The following CORIN variants were observed in gnomAD, a reference collection of about 807,000 sequenced individuals.
CORIN encodes corin, serine peptidase, also known as atrial natriuretic peptide-converting enzyme.
CORIN carries 117 observed loss-of-function variants against 125.3 expected under a neutral mutation model. That is an observed-to-expected ratio of 0.93 (90% CI 0.80 to 1.09). CORIN has a LOEUF of 1.09. Among genes scored for constraint, CORIN ranks in the 50% least tolerant of loss-of-function variants. The pLI, the probability that CORIN is intolerant of heterozygous loss-of-function variation, is 0.00. For missense variants in CORIN, 1,253 were observed against 1,306.7 expected (o/e 0.96, Z 0.63); for synonymous variants, 450 against 466.4 (o/e 0.96, Z 0.45).
intron 19 of CORIN, among the ~76,000 whole-genome samples, chr4:47,615,264 T>C (rs1400098342): frequency 1.3e-5 from 2 of 152,196 alleles, no homozygotes; most frequent in African/African-American, 4.8e-5. Context: ...ATTCTTGTTA[T>C]AATGGGAAGC....
Position 47,595,777 on chromosome 4 carries a change from A to G in CORIN, c.3073T>C (p.Tyr1025His). 1 of 1,613,432 alleles carries G rather than the reference A, an allele frequency of 6.2e-7. No individual in the cohort carries two copies. Among genetic ancestry groups the G allele is most frequent in the Non-Finnish European group, 8.5e-7 (1 of 1,179,710 alleles). ...LGPGVYSNVS[Y>H]FVEWIKRQIY... ...TGTCTTTTAATCCATTCGACGAAAT[A>G]TGACACATTACTATAAACGCCAGGC... is the stretch of plus-strand genomic sequence containing the variant. Residue 1025 changes from tyrosine to histidine, a missense_variant, in exon 22 of 22, where the codon TAT becomes CAT. Coordinates refer to ENST00000273857, the MANE Select transcript of CORIN (RefSeq NM_006587.4).
At chr4:47,763,928 T>C (rs1220922922) in intron 3 of CORIN, among the ~76,000 whole-genome samples, 1 of 152,092 alleles carries the variant, frequency 6.6e-6, no homozygotes, top group Non-Finnish European at 1.5e-5. Context: ...ACCATGCATA[T>C]TCTTTGACAT....
intron 3 of CORIN, among the ~76,000 whole-genome samples, chr4:47,773,865 T>C (rs1490353042): frequency 6.6e-6 from 1 of 151,610 alleles, no homozygotes; most frequent in Non-Finnish European, 1.5e-5. Context: ...ATAAAAGGTA[T>C]ATTTATCTTT....
At chr4:47,837,383 G>A (rs1412777236) in intron 1 of CORIN, 1 of 180,004 alleles carries the variant, frequency 5.6e-6, no homozygotes, top group East Asian at 1.9e-4. Flanking sequence ...GTCTGGGGCA[G>A]GCAAGACTGC....
chr4:47,758,829 C>T (rs559765574), intron 4 of CORIN, among the ~76,000 whole-genome samples: 1 of 152,364 alleles, frequency 6.6e-6, no homozygotes, highest in African/African-American at 2.4e-5. Flanking sequence ...GATGTGTTTG[C>T]TTCCCTTTCC....
intron 2 of CORIN, among the ~76,000 whole-genome samples, chr4:47,806,444 A>G (rs1731799532): frequency 6.6e-6 from 1 of 152,192 alleles, no homozygotes; most frequent in African/African-American, 2.4e-5. Context: ...CTCCTGAACT[A>G]CTGTCTTCTA....
intron 4 of CORIN, among the ~76,000 whole-genome samples, chr4:47,757,878 G>GTATATATATATGTATATA: frequency 1.6e-5 from 2 of 123,914 alleles, no homozygotes; most frequent in East Asian, 4.6e-4. Context: ...ATATATATAT[G>GTATATATATATGTATATA]TATATATATA....
At chr4:47,651,756 G>A (rs1723738426) in intron 13 of CORIN, among the ~76,000 whole-genome samples, 1 of 152,136 alleles carries the variant, frequency 6.6e-6, no homozygotes, top group Non-Finnish European at 1.5e-5. Flanking sequence ...TTAATTGTGT[G>A]ATTAAAATAC....
intron 12 of CORIN, among the ~76,000 whole-genome samples, chr4:47,657,880 A>G (rs1724067957): frequency 6.6e-6 from 1 of 152,140 alleles, no homozygotes; most frequent in South Asian, 2.1e-4. Flanking sequence ...ACATCTCAAC[A>G]TGAGATTTGG....
At chr4:47,760,917 A>C (rs968009272) in intron 4 of CORIN, among the ~76,000 whole-genome samples, 1 of 152,158 alleles carries the variant, frequency 6.6e-6, no homozygotes, top group East Asian at 1.9e-4. Context: ...TCTTTCCTTA[A>C]ATCTCATGAA....
chr4:47,765,796 A>C (rs993630636), intron 3 of CORIN, among the ~76,000 whole-genome samples: 14 of 152,130 alleles, frequency 9.2e-5, no homozygotes, highest in African/African-American at 3.4e-4. Flanking sequence ...ATATTTAAGG[A>C]CCATTTGCAT....
Position 47,693,100 on chromosome 4 carries a change from G to C in CORIN, c.800-17C>G, listed in dbSNP as rs142631560. On this transcript the variant is annotated splice_polypyrimidine_tract_variant and intron_variant, in intron 5 of 21. Coordinates refer to ENST00000273857, the MANE Select transcript of CORIN (RefSeq NM_006587.4). ...CACAGAGCACTAAAAAAAAAGGGCA[G>C]GAAATAATGTCAGAATAAGATGGGT... The C allele has an allele frequency of 1.0e-3, 1,517 of 1,494,000 alleles. 2 individuals carry two copies. The highest frequency in any genetic ancestry group is 1.3e-3 in the Non-Finnish European group (1,424 of 1,072,022). 92.5% of individuals were successfully genotyped at this position (1,494,000 alleles called of 1,614,324 possible). A position where few individuals can be genotyped will look rare whatever the true frequency, so the allele number is the denominator to read the frequency against.
At chr4:47,747,848 T>C (rs577694494) in intron 4 of CORIN, among the ~76,000 whole-genome samples, 18 of 152,356 alleles carry the variant, frequency 1.2e-4, no homozygotes, top group Admixed American at 5.9e-4. Flanking sequence ...ATAGTCCTTT[T>C]ACTACTAACA....
chr4:47,600,194 G>T lies in CORIN; in HGVS notation c.2946+20C>A. 1 of 1,596,404 alleles carries T rather than the reference G, an allele frequency of 6.3e-7. No homozygotes were observed. Among genetic ancestry groups the T allele is most frequent in the Non-Finnish European group, 8.6e-7 (1 of 1,169,198 alleles). On this transcript the variant is annotated intron_variant, in intron 21 of 21. Coordinates refer to ENST00000273857, the MANE Select transcript of CORIN (RefSeq NM_006587.4). The stretch of plus-strand genomic sequence containing the variant: ...GTTATTGTTGAACTGAATCTCCTTG[G>T]TAACCAGAAAGCAACTTACCATGCA...
At chr4:47,783,761 C>CG (rs1471183519) in intron 3 of CORIN, among the ~76,000 whole-genome samples, 1 of 151,984 alleles carries the variant, frequency 6.6e-6, no homozygotes, top group Non-Finnish European at 1.5e-5. Context: ...GAAGTGTGAT[C>CG]AGGCACTTCT....
intron 10 of CORIN, among the ~76,000 whole-genome samples, chr4:47,669,348 CTGCGTATATAA>C (rs1724632949): frequency 6.6e-6 from 1 of 152,108 alleles, no homozygotes; most frequent in Admixed American, 6.6e-5. Context: ...CTACATCTAG[CTGCGTATATAA>C]TAATATTCAA....
At chr4:47,759,013 C>T (rs1032525879) in intron 4 of CORIN, among the ~76,000 whole-genome samples, 4 of 152,050 alleles carry the variant, frequency 2.6e-5, no homozygotes, top group Non-Finnish European at 4.4e-5. Flanking sequence ...GTCACATAGA[C>T]CAATGGAATG....
chr4:47,664,475 G>A lies in CORIN; in HGVS notation c.1589+557C>T, dbSNP rs377752281. 2.6e-4 allele frequency among the ~76,000 whole-genome samples: 39 copies of A among 152,228 alleles called. 1 individual carries two copies. In the East Asian group the frequency reaches 3.1e-3, roughly 12 times the overall value. ...AGGGTCAAGATTTTAACCCAAACAT[G>A]GACTCTGGAACAATACTCTTGACAC... On this transcript the variant is annotated intron_variant, in intron 11 of 21. Transcript: ENST00000273857.
chr4:47,602,144 G>A (rs1721472618), intron 20 of CORIN, among the ~76,000 whole-genome samples: 2 of 152,010 alleles, frequency 1.3e-5, no homozygotes, highest in African/African-American at 4.8e-5. Flanking sequence ...CATGGCACAT[G>A]TCTGTAATCC....
Sources: allele counts gnomAD v4.1 joint callset (sites outside exome capture counted in the v4.1 genomes callset), GRCh38; gene constraint gnomAD v4.1.1; transcripts MANE v1.5; gene names NCBI Gene and HGNC (gene_info 2026-07-23, HGNC 2026-07-21).